The following PARD3B variants were observed in gnomAD, a reference collection of about 807,000 sequenced individuals.
The protein encoded by PARD3B is partitioning defective 3 homolog B.
PARD3B carries 103 observed loss-of-function variants against 130.2 expected under a neutral mutation model. The observed-to-expected ratio is 0.79, with a 90% CI of 0.67 to 0.93. PARD3B has a LOEUF of 0.93. Among genes scored for constraint, PARD3B ranks in the 40% least tolerant of loss-of-function variants. The pLI, the probability that PARD3B is intolerant of heterozygous loss-of-function variation, is 0.00. For missense variants in PARD3B, 1,609 were observed against 1,499.2 expected (o/e 1.07, Z -1.21); for synonymous variants, 583 against 553.2 (o/e 1.05, Z -0.76).
intron 10 of PARD3B, among the ~76,000 whole-genome samples, chr2:205,132,469 A>G (rs1028617051): frequency 6.6e-6 from 1 of 151,562 alleles, no homozygotes; most frequent in Non-Finnish European, 1.5e-5. Flanking sequence ...GAAAGGGAGG[A>G]CACTCCTCTC....
intron 1 of PARD3B, among the ~76,000 whole-genome samples, chr2:204,563,355 G>T (rs1284468881): frequency 1.4e-5 from 2 of 145,462 alleles, no homozygotes; most frequent in East Asian, 4.6e-4. Flanking sequence ...CATCTGTAAA[G>T]ACTCTGTTTC....
chr2:205,269,013 A>T lies in PARD3B; in HGVS notation c.2185+23191A>T, dbSNP rs1164276029. Among the ~76,000 whole-genome samples, 1 of 152,318 alleles carries T rather than the reference A, an allele frequency of 6.6e-6. No individual in the cohort carries two copies. The highest frequency in any genetic ancestry group is 1.9e-4 in the East Asian group (1 of 5,182). ...CATTTTTCAAAAACCTGTGAAGCTCAAAGAATAGGTATTATTCCATTTTGT... is the reference window on the plus strand; with the variant it reads ...CATTTTTCAAAAACCTGTGAAGCTCTAAGAATAGGTATTATTCCATTTTGT... On this transcript the variant is annotated intron_variant, in intron 16 of 22. Transcript: ENST00000406610. The surrounding 1 kb of genome is among the most constrained non-coding windows in gnomAD (Gnocchi z 4.7).
rs1240313873 is a variant in PARD3B at position 205,460,550 on chromosome 2, G to A, written c.3044+19878G>A. 6.6e-6 allele frequency among the ~76,000 whole-genome samples: 1 copy of A among 152,036 alleles called. No individual in the cohort carries two copies. The highest frequency in any genetic ancestry group is 1.5e-5 in the Non-Finnish European group (1 of 68,024). On this transcript the variant is annotated intron_variant, in intron 20 of 22. Transcript: ENST00000406610. This position sits in a 1 kb window ranked among gnomAD's most constrained non-coding sequence, Gnocchi z 4.9. ...ACTTTCTATTGATTACTTCTCTTGA[G>A]GTTATCATCTTTCTCCTAGTGGTCA...
At chr2:204,624,606 C>G (rs946966256) in intron 1 of PARD3B, among the ~76,000 whole-genome samples, 2 of 152,108 alleles carry the variant, frequency 1.3e-5, no homozygotes, top group Admixed American at 1.3e-4. Context: ...TGGATATACT[C>G]TAGTTTGTTT....
chr2:205,549,547 G>A (rs1440948796), intron 21 of PARD3B, among the ~76,000 whole-genome samples: 3 of 152,104 alleles, frequency 2.0e-5, no homozygotes, highest in South Asian at 2.1e-4. Context: ...AAAAGACTGC[G>A]TACTGTGTGA....
chr2:205,175,171 G>A (rs1372371174), intron 12 of PARD3B, among the ~76,000 whole-genome samples: 1 of 152,164 alleles, frequency 6.6e-6, no homozygotes, highest in Non-Finnish European at 1.5e-5. Flanking sequence ...GATATCGATT[G>A]TGTCATTTAT....
chr2:204,775,568 C>T (rs1009501190), intron 2 of PARD3B, among the ~76,000 whole-genome samples: 4 of 151,340 alleles, frequency 2.6e-5, no homozygotes, highest in Non-Finnish European at 4.4e-5. Flanking sequence ...AACCCAGGAT[C>T]TCTACACAAG....
At chr2:205,058,806 G>A (rs1156586551) in intron 4 of PARD3B, among the ~76,000 whole-genome samples, 10 of 151,886 alleles carry the variant, frequency 6.6e-5, no homozygotes, top group African/African-American at 2.4e-4. Flanking sequence ...ATTTGTTGCT[G>A]AGTTCTAGGA....
chr2:204,953,172 T>C (rs762355295), intron 2 of PARD3B, among the ~76,000 whole-genome samples: 4 of 151,688 alleles, frequency 2.6e-5, no homozygotes, highest in Non-Finnish European at 4.4e-5. Flanking sequence ...GAAATAACAC[T>C]TAGCATTGGG....
intron 22 of PARD3B, among the ~76,000 whole-genome samples, chr2:205,595,353 A>C (rs1465920177): frequency 1.3e-5 from 2 of 152,236 alleles, no homozygotes; most frequent in Non-Finnish European, 2.9e-5. Flanking sequence ...AAGTTCAAAA[A>C]CCAGCTGGCA....
chr2:205,005,354 C>G (rs992050716), intron 3 of PARD3B, among the ~76,000 whole-genome samples: 9 of 152,094 alleles, frequency 5.9e-5, no homozygotes, highest in African/African-American at 2.2e-4. Context: ...AATTTGAGTC[C>G]TCATTTTCCA....
chr2:204,613,836 A>G (rs2125119443), intron 1 of PARD3B, among the ~76,000 whole-genome samples: 1 of 151,994 alleles, frequency 6.6e-6, no homozygotes, highest in Admixed American at 6.6e-5. Context: ...TGCCTTATTG[A>G]TCTTTCCTTA....
intron 1 of PARD3B, among the ~76,000 whole-genome samples, chr2:204,657,335 C>T (rs2035672227): frequency 6.6e-6 from 1 of 152,106 alleles, no homozygotes; most frequent in African/African-American, 2.4e-5. Context: ...ATAGTGAAAC[C>T]TCATCTCTAC....
chr2:204,760,982 A>G (rs574636167), intron 2 of PARD3B, among the ~76,000 whole-genome samples: 2 of 152,316 alleles, frequency 1.3e-5, no homozygotes, highest in South Asian at 4.1e-4. Context: ...ATATGCCAGT[A>G]TTTGCACTAG....
At chr2:204,698,089 C>G (rs1405595225) in intron 2 of PARD3B, among the ~76,000 whole-genome samples, 1 of 152,096 alleles carries the variant, frequency 6.6e-6, no homozygotes, top group Non-Finnish European at 1.5e-5. Flanking sequence ...AGTCAACTCT[C>G]AAGACCCTCC....
rs144843890 is a variant in PARD3B at position 205,369,760 on chromosome 2, C to A, written c.2631-31253C>A. Reference sequence around the variant, plus strand: ...TTTGTATGACTTTTTCCAAGTGGGACAAGGAGCTGTTTAAGGGCTTAACTT... The same window carrying A: ...TTTGTATGACTTTTTCCAAGTGGGAAAAGGAGCTGTTTAAGGGCTTAACTT... On this transcript the variant is annotated intron_variant, in intron 18 of 22. Transcript: ENST00000406610. Among the ~76,000 whole-genome samples the A allele has an allele frequency of 3.7e-3, 557 of 152,294 alleles. 2 individuals carry two copies. Among genetic ancestry groups the A allele is most frequent in the African/African-American group, 0.013 (523 of 41,566 alleles).
At chr2:205,320,700 A>G (rs2042724076) in intron 18 of PARD3B, among the ~76,000 whole-genome samples, 1 of 152,228 alleles carries the variant, frequency 6.6e-6, no homozygotes, top group Non-Finnish European at 1.5e-5. Flanking sequence ...GACATTGATT[A>G]AATGCACATG....
intron 2 of PARD3B, among the ~76,000 whole-genome samples, chr2:204,941,868 T>A (rs955374702): frequency 6.6e-6 from 1 of 152,160 alleles, no homozygotes; most frequent in African/African-American, 2.4e-5. Context: ...AAATTATATC[T>A]TTGTGCATGT....
chr2:204,639,680 C>A (rs2035006263), intron 1 of PARD3B, among the ~76,000 whole-genome samples: 1 of 152,124 alleles, frequency 6.6e-6, no homozygotes, highest in Non-Finnish European at 1.5e-5. Flanking sequence ...TACCGTGTCA[C>A]TTTTTATCAG....
Sources: gnomAD v4.1 joint callset for allele counts (sites outside exome capture counted in the v4.1 genomes callset) on GRCh38, gnomAD v4.1.1 for gene constraint, Gnocchi (gnomAD v3.1) non-coding constraint, MANE v1.5 for transcripts, NCBI Gene and HGNC (gene_info 2026-07-23, HGNC 2026-07-21) for gene names.